Variants in OPRM1 observed in about 807,000 individuals in gnomAD.
OPRM1 encodes opioid receptor mu 1.
OPRM1 carries 27 observed loss-of-function variants against 31.8 expected under a neutral mutation model. That is an observed-to-expected ratio of 0.85 (90% CI 0.63 to 1.17). OPRM1 has a LOEUF of 1.17. Among genes scored for constraint, OPRM1 ranks in the 50% most tolerant of loss-of-function variants. OPRM1 has a pLI of 0.00. For synonymous variants in OPRM1, 196 were observed against 189.9 expected (o/e 1.03, Z -0.26); for missense variants, 536 against 511.1 (o/e 1.05, Z -0.47).
intron 3 of OPRM1, among the ~76,000 whole-genome samples, chr6:154,227,266 T>C (rs1779328899): frequency 1.3e-5 from 2 of 152,114 alleles, no homozygotes; most frequent in African/African-American, 2.4e-5. Flanking sequence ...AATAGTTCCA[T>C]GGAGCTGAAT....
chr6:154,215,063 G>A (rs908570913), intron 3 of OPRM1, among the ~76,000 whole-genome samples: 1 of 152,120 alleles, frequency 6.6e-6, no homozygotes, highest in Non-Finnish European at 1.5e-5. Flanking sequence ...GGAGGATCTT[G>A]CTTATTTCTG....
chr6:154,079,828 G>C (rs1017413886), intron 1 of OPRM1, among the ~76,000 whole-genome samples: 1 of 151,964 alleles, frequency 6.6e-6, no homozygotes, highest in Non-Finnish European at 1.5e-5. Context: ...TCCCACCTTG[G>C]CCTCCCAAAG....
At chr6:154,233,923 G>C (rs77487994) in intron 3 of OPRM1, among the ~76,000 whole-genome samples, 4,112 of 152,268 alleles carry the variant, frequency 0.027, 86 homozygotes, top group Middle Eastern at 0.041. Context: ...AATGCCCCCA[G>C]CTAGGCCGGA....
rs149991738 is a variant in OPRM1 at position 154,126,619 on chromosome 6, C to T, written c.*7898C>T. Among the ~76,000 whole-genome samples the T allele has an allele frequency of 3.9e-5, 6 of 152,194 alleles. No homozygotes were observed. Among genetic ancestry groups the T allele is most frequent in the African/African-American group, 7.2e-5 (3 of 41,512 alleles). ...TCACCACCCTACACTGCTGTGACAC[C>T]GAAACAACCAAGCCTAGAATCAGCT... On this transcript the variant is annotated 3_prime_UTR_variant, in exon 4 of 4. Transcript: ENST00000330432.
At chr6:154,197,725 T>C (rs1388627642) in intron 3 of OPRM1, among the ~76,000 whole-genome samples, 2 of 152,188 alleles carry the variant, frequency 1.3e-5, no homozygotes, top group Admixed American at 1.3e-4. Context: ...CTGGCTATGG[T>C]CCTAAAAGAA....
chr6:154,061,041 T>A (rs762146473), intron 1 of OPRM1, among the ~76,000 whole-genome samples: 1 of 152,196 alleles, frequency 6.6e-6, no homozygotes, highest in African/African-American at 2.4e-5. Flanking sequence ...TTAAACATAT[T>A]TAACAGTGGT....
At chr6:154,246,328 G>A (rs1356086806) in intron 3 of OPRM1, among the ~76,000 whole-genome samples, 1 of 152,096 alleles carries the variant, frequency 6.6e-6, no homozygotes, top group Non-Finnish European at 1.5e-5. Context: ...GAACTTAAAA[G>A]TCTCCTTTAG....
At chr6:154,059,817 A>G (rs1784055302) in intron 1 of OPRM1, among the ~76,000 whole-genome samples, 1 of 152,216 alleles carries the variant, frequency 6.6e-6, no homozygotes, top group Admixed American at 6.5e-5. Context: ...TCCATTTCTA[A>G]TTTTTGAAAG....
intron 1 of OPRM1, 28 bp downstream of exon 1, chr6:154,039,862 G>C: frequency 6.4e-7 from 1 of 1,550,718 alleles, no homozygotes; most frequent in Non-Finnish European, 8.7e-7. Context: ...GCTCCGAGCG[G>C]AGGGTTCAGC....
At chr6:154,011,734 G>A (rs572865005) in intron 1 of OPRM1, among the ~76,000 whole-genome samples, 14 of 152,170 alleles carry the variant, frequency 9.2e-5, no homozygotes, top group African/African-American at 2.6e-4. Context: ...AGTCATCTTT[G>A]ACAGCCATTA....
intron 1 of OPRM1, among the ~76,000 whole-genome samples, chr6:154,080,557 C>A (rs967065136): frequency 6.6e-6 from 1 of 152,202 alleles, no homozygotes; most frequent in African/African-American, 2.4e-5. Flanking sequence ...AAGTGCATTC[C>A]TATCTTTCCT....
At chr6:154,135,293 A>G (rs2128535952), downstream of OPRM1, among the ~76,000 whole-genome samples, 1 of 152,144 alleles carries the variant, frequency 6.6e-6, no homozygotes, top group Middle Eastern at 3.4e-3. Flanking sequence ...ACATGGCAAC[A>G]CCCCGTCTCT....
At chr6:154,179,805 C>T (rs1303724775) in intron 3 of OPRM1, among the ~76,000 whole-genome samples, 1 of 152,210 alleles carries the variant, frequency 6.6e-6, no homozygotes, top group Non-Finnish European at 1.5e-5. Flanking sequence ...CACTTTCACA[C>T]CGTGCAGAAT....
At chr6:154,044,833 C>T (rs1446898613) in intron 1 of OPRM1, among the ~76,000 whole-genome samples, 5 of 152,138 alleles carry the variant, frequency 3.3e-5, no homozygotes, top group South Asian at 4.2e-4. Context: ...CCTAGGATTC[C>T]GTTTAAGGCA....
chr6:154,245,155 T>A (rs1340288311), intron 3 of OPRM1, among the ~76,000 whole-genome samples: 2 of 152,004 alleles, frequency 1.3e-5, no homozygotes, highest in African/African-American at 2.4e-5. Flanking sequence ...CTAGACAAGA[T>A]GAAGAATGTA....
At chr6:154,178,984 T>C (rs1027736330) in intron 3 of OPRM1, among the ~76,000 whole-genome samples, 2 of 152,180 alleles carry the variant, frequency 1.3e-5, no homozygotes, top group African/African-American at 4.8e-5. Context: ...TGTGTCATAA[T>C]CTAAGAGGTC....
intron 1 of OPRM1, among the ~76,000 whole-genome samples, chr6:154,018,359 G>T (rs139075353): frequency 6.6e-6 from 1 of 152,286 alleles, no homozygotes. Context: ...GGCAGAGGTT[G>T]CAGTGAGCTG....
intron 3 of OPRM1, among the ~76,000 whole-genome samples, chr6:154,173,395 C>T (rs962032885): frequency 6.6e-6 from 1 of 152,028 alleles, no homozygotes; most frequent in Non-Finnish European, 1.5e-5. Flanking sequence ...CATGTTCTAA[C>T]CCATTGCAAG....
intron 3 of OPRM1, among the ~76,000 whole-genome samples, chr6:154,226,234 T>C (rs551933173): frequency 8.1e-4 from 124 of 152,304 alleles, no homozygotes; most frequent in Non-Finnish European, 1.4e-3. Flanking sequence ...ATACCTTGTA[T>C]CACCACTGTC....
Sources: gnomAD v4.1 joint callset for allele counts (sites outside exome capture counted in the v4.1 genomes callset) on GRCh38, gnomAD v4.1.1 for gene constraint, MANE v1.5 for transcripts, NCBI Gene and HGNC (gene_info 2026-07-23, HGNC 2026-07-21) for gene names.